Variants in NYAP2 observed in about 807,000 individuals in gnomAD.
NYAP2 encodes neuronal tyrosine-phosphorylated phosphoinositide-3-kinase adapter 2.
In NYAP2, 23 loss-of-function variants were observed where a neutral mutation model predicts 50.4. The observed-to-expected ratio is 0.46, with a 90% CI of 0.33 to 0.65. NYAP2 has a LOEUF of 0.65. NYAP2 is among the 30% of genes least tolerant of loss of function. The pLI, the probability that NYAP2 is intolerant of heterozygous loss-of-function variation, is 0.02. For synonymous variants in NYAP2, 394 were observed against 365.2 expected, an observed-to-expected ratio of 1.08 and a Z score of -0.90; for missense variants, 885 against 861.0, an observed-to-expected ratio of 1.03 and a Z score of -0.35.
At chr2:225,514,587 A>G (rs1241898828) in intron 4 of NYAP2, among the ~76,000 whole-genome samples, 1 of 152,100 alleles carries the variant, frequency 6.6e-6, no homozygotes, top group East Asian at 1.9e-4. Context: ...GAGGATGCTA[A>G]TCCTATTCCT....
Position 225,521,116 on chromosome 2 carries a change from T to TAC in NYAP2, c.523+7444_523+7445insAC, listed in dbSNP as rs1406119707. Among the ~76,000 whole-genome samples, 301 of 143,966 alleles carry TAC rather than the reference T, an allele frequency of 2.1e-3. 1 individual carries two copies. The highest frequency in any genetic ancestry group is 7.8e-3 in the African/African-American group (271 of 34,886). The allele number at this position is 143,966 out of a possible 152,430, so 94.4% of individuals were successfully genotyped here. On this transcript the variant is annotated intron_variant, in intron 4 of 6. Transcript: ENST00000636099. ...TAAGAATGCTTGTGATTTTTGTACA[T>TAC]TGATTTTGTATCCTGAGACTTTGCT...
chr2:225,513,306 A>G lies in NYAP2; in HGVS notation c.222-65A>G, dbSNP rs978583711. The G allele has an allele frequency of 8.3e-6, 12 of 1,443,852 alleles. No homozygotes were observed. The East Asian group carries it at 2.5e-4, about 30-fold the overall frequency. 89.4% of individuals were successfully genotyped at this position (1,443,852 alleles called of 1,614,324 possible). The stretch of plus-strand genomic sequence containing the variant: ...TTTTCCCTATTAGTAATATTCTCAC[A>G]TGTATGATCTTGTATATCCTGGCTC... On this transcript the variant is annotated intron_variant, in intron 3 of 6. Coordinates refer to ENST00000636099, the Ensembl canonical transcript of NYAP2.
At chr2:225,539,366 T>C (rs1450714998) in intron 4 of NYAP2, among the ~76,000 whole-genome samples, 1 of 152,198 alleles carries the variant, frequency 6.6e-6, no homozygotes, top group Non-Finnish European at 1.5e-5. Flanking sequence ...TACCCAGTAA[T>C]GGGATTGCTG....
chr2:225,501,828 A>G (rs1457753570), intron 3 of NYAP2, among the ~76,000 whole-genome samples: 1 of 152,164 alleles, frequency 6.6e-6, no homozygotes, highest in Non-Finnish European at 1.5e-5. Context: ...CTTGCTACAA[A>G]CAATGCATGG....
At chr2:225,513,324 C>T in intron 3 of NYAP2, 47 bp from the exon 4 acceptor site, 1 of 1,571,684 alleles carries the variant, frequency 6.4e-7, no homozygotes, top group Non-Finnish European at 8.7e-7. Context: ...TCTTGTATAT[C>T]CTGGCTCCTT....
intron 6 of NYAP2, among the ~76,000 whole-genome samples, chr2:225,639,743 G>C (rs1191592612): frequency 6.6e-6 from 1 of 152,144 alleles, no homozygotes; most frequent in African/African-American, 2.4e-5. Context: ...ATGCCAGTGA[G>C]GGAGAGAGCC....
intron 4 of NYAP2, among the ~76,000 whole-genome samples, chr2:225,534,293 T>C (rs973283339): frequency 3.3e-5 from 5 of 152,226 alleles, no homozygotes; most frequent in African/African-American, 1.2e-4. Flanking sequence ...CCGTAGCCAT[T>C]GGCAACAAGT....
chr2:225,654,347 C>T (rs914523834), downstream of NYAP2, among the ~76,000 whole-genome samples: 4 of 152,056 alleles, frequency 2.6e-5, no homozygotes, highest in African/African-American at 9.7e-5. Context: ...GATTAATAGA[C>T]TTCTTACTAG....
At chr2:225,593,285 T>A (rs1460090112) in intron 5 of NYAP2, among the ~76,000 whole-genome samples, 1 of 152,194 alleles carries the variant, frequency 6.6e-6, no homozygotes, top group Admixed American at 6.5e-5. Context: ...CTTAGTGTCT[T>A]AGTTTTCTCA....
At chr2:225,532,448 T>G (rs1691274681) in intron 4 of NYAP2, among the ~76,000 whole-genome samples, 1 of 152,208 alleles carries the variant, frequency 6.6e-6, no homozygotes, top group Admixed American at 6.5e-5. Flanking sequence ...TAAGACCTGC[T>G]TTTTACAATT....
At chr2:225,583,986 G>A (rs1692346927) in intron 5 of NYAP2, among the ~76,000 whole-genome samples, 1 of 152,100 alleles carries the variant, frequency 6.6e-6, no homozygotes, top group Admixed American at 6.5e-5. Flanking sequence ...AGCTTGTAGT[G>A]AGCCCAGATC....
At chr2:225,588,248 CAT>C (rs1379706899) in intron 5 of NYAP2, among the ~76,000 whole-genome samples, 8 of 151,858 alleles carry the variant, frequency 5.3e-5, no homozygotes, top group African/African-American at 1.9e-4. Flanking sequence ...TTTTAGATGT[CAT>C]AGTATATTTT....
chr2:225,427,676 A>G (rs961987964), intron 3 of NYAP2, among the ~76,000 whole-genome samples: 9 of 152,174 alleles, frequency 5.9e-5, no homozygotes, highest in Admixed American at 1.3e-4. Flanking sequence ...ATTTTGGTCT[A>G]CTAGCATTCT....
chr2:225,646,468 T>G (rs1222008869), intron 6 of NYAP2, among the ~76,000 whole-genome samples: 1 of 152,138 alleles, frequency 6.6e-6, no homozygotes, highest in Non-Finnish European at 1.5e-5. Flanking sequence ...GGAGAATCAC[T>G]TGAACCTGGG....
chr2:225,465,323 C>T (rs936195422), intron 3 of NYAP2, among the ~76,000 whole-genome samples: 2 of 152,114 alleles, frequency 1.3e-5, no homozygotes, highest in African/African-American at 4.8e-5. Flanking sequence ...TTCTGTCAAC[C>T]TCTGTGACCC....
intron 3 of NYAP2, among the ~76,000 whole-genome samples, chr2:225,481,149 C>G (rs1050145087): frequency 2.6e-5 from 4 of 151,984 alleles, no homozygotes; most frequent in African/African-American, 9.7e-5. Flanking sequence ...TTTAAAAAAC[C>G]TTTTCCTCAG....
chr2:225,429,269 C>A (rs968945897), intron 3 of NYAP2, among the ~76,000 whole-genome samples: 1 of 152,208 alleles, frequency 6.6e-6, no homozygotes, highest in Non-Finnish European at 1.5e-5. Flanking sequence ...AAAGAAACCA[C>A]AGCAGGATTC....
chr2:225,673,479 T>C, the NYAP2 span, among the ~76,000 whole-genome samples: 1 of 152,172 alleles, frequency 6.6e-6, no homozygotes. Flanking sequence ...AAATGCAATG[T>C]CTATGAAGCA....
chr2:225,665,630 GA>G, the NYAP2 span, among the ~76,000 whole-genome samples: 1 of 149,712 alleles, frequency 6.7e-6, no homozygotes, highest in Non-Finnish European at 1.5e-5. Context: ...CCAACATGGT[GA>G]AACCCCGTCT....
Sources: gnomAD v4.1 joint callset for allele counts (sites outside exome capture counted in the v4.1 genomes callset) on GRCh38, gnomAD v4.1.1 for gene constraint, MANE v1.5 for transcripts, NCBI Gene and HGNC (gene_info 2026-07-23, HGNC 2026-07-21) for gene names.